RNF214: variants seen among roughly 807,000 people sequenced by gnomAD.
RNF214 encodes the protein ring finger protein 214.
A neutral mutation model predicts 75.9 loss-of-function variants in RNF214; 25 were observed. The observed-to-expected ratio is 0.33, with a 90% CI of 0.24 to 0.46. The LOEUF is 0.46. Among genes scored for constraint, RNF214 ranks in the 20% least tolerant of loss-of-function variants. RNF214 has a pLI of 1.00. For synonymous variants in RNF214, 314 were observed against 308.8 expected (o/e 1.02, Z -0.18); for missense variants, 725 against 857.5 (o/e 0.85, Z 1.93).
intron 6 of RNF214, among the ~76,000 whole-genome samples, chr11:117,269,949 C>T (rs1462294389): frequency 6.6e-6 from 1 of 152,108 alleles, no homozygotes; most frequent in Non-Finnish European, 1.5e-5. Flanking sequence ...AGTCAGGGAC[C>T]ATCTATAAAT....
intron 6 of RNF214, among the ~76,000 whole-genome samples, chr11:117,263,434 C>A (rs1200625027): frequency 6.6e-6 from 1 of 152,018 alleles, no homozygotes; most frequent in Non-Finnish European, 1.5e-5. Flanking sequence ...CGCCACCATG[C>A]CCGGCTAATT....
At chr11:117,266,052 T>C (rs1395691817) in intron 6 of RNF214, among the ~76,000 whole-genome samples, 2 of 152,236 alleles carry the variant, frequency 1.3e-5, no homozygotes, top group Non-Finnish European at 2.9e-5. Context: ...GTTTATTCCT[T>C]TTTAATGCTG....
intron 9 of RNF214, 64 bp downstream of exon 9, chr11:117,281,468 G>T: frequency 7.0e-7 from 1 of 1,437,980 alleles, no homozygotes; most frequent in South Asian, 1.1e-5. Context: ...TCCAGCAATT[G>T]GGAGGTAGCC....
intron 6 of RNF214, among the ~76,000 whole-genome samples, chr11:117,272,375 G>A (rs2033929761): frequency 6.6e-6 from 1 of 152,142 alleles, no homozygotes; most frequent in Non-Finnish European, 1.5e-5. Flanking sequence ...TCATAAGTGG[G>A]AGTTGAACAG....
At chr11:117,251,383 A>AC (rs1322509297) in intron 6 of RNF214, among the ~76,000 whole-genome samples, 1 of 119,300 alleles carries the variant, frequency 8.4e-6, no homozygotes, top group African/African-American at 3.2e-5. Context: ...CGGGGGGCTG[A>AC]CCCCCCCACC....
At chr11:117,252,260 C>T (rs989132374) in intron 6 of RNF214, among the ~76,000 whole-genome samples, 4 of 152,090 alleles carry the variant, frequency 2.6e-5, no homozygotes, top group Admixed American at 1.3e-4. Flanking sequence ...CTTGTCAGAG[C>T]CTAGGTTAGC....
chr11:117,241,394 A>G (rs1209809596), intron 4 of RNF214, among the ~76,000 whole-genome samples: 1 of 151,954 alleles, frequency 6.6e-6, no homozygotes, highest in South Asian at 2.1e-4. Flanking sequence ...ATCCTGGCCA[A>G]TATGGTGAAA....
At chr11:117,278,389 G>C (rs909698274) in intron 6 of RNF214, among the ~76,000 whole-genome samples, 6 of 152,182 alleles carry the variant, frequency 3.9e-5, no homozygotes, top group Non-Finnish European at 8.8e-5. Flanking sequence ...GATAATTTAA[G>C]TATTTTCATC....
chr11:117,280,347 C>T (rs2034102537), intron 8 of RNF214, 88 bp downstream of exon 8: 1 of 877,016 alleles, frequency 1.1e-6, no homozygotes, highest in East Asian at 2.4e-5. Flanking sequence ...GCCAGCTAGT[C>T]TGGCACTTAT....
rs971220490 is a variant in RNF214, at chr11:117,261,544, C to A, written c.959+14596C>A. 4.6e-5 allele frequency among the ~76,000 whole-genome samples: 7 copies of A among 152,300 alleles called. No homozygotes were observed. In the East Asian group the frequency reaches 1.3e-3, roughly 29 times the overall value. ...GCAGTGAGCTGAGATCACGCCACTG[C>A]ACTTCAGCTTGGGCAACAGAGCAAG... On this transcript the variant is annotated intron_variant, in intron 6 of 14. Coordinates refer to ENST00000300650, the MANE Select transcript of RNF214 (RefSeq NM_207343.4).
intron 6 of RNF214, among the ~76,000 whole-genome samples, chr11:117,259,924 A>G (rs1015385590): frequency 1.3e-5 from 2 of 152,136 alleles, no homozygotes; most frequent in African/African-American, 4.8e-5. Flanking sequence ...CTAATTCATT[A>G]AAACTTTTCT....
At position 117,241,768 on chromosome 11, in the gene RNF214, A is replaced by G. The variant is rs1362054809; in HGVS notation, c.678+1908A>G. Among the ~76,000 whole-genome samples, 3 of 151,996 alleles carry G rather than the reference A, an allele frequency of 2.0e-5. No individual in the cohort carries two copies. The East Asian group carries it at 5.8e-4, about 29-fold the overall frequency. ...TCAGATGTTTTTAGTATTCTTTTTG[A>G]TACTATTTTGATACTATTTTCCATT... On this transcript the variant is annotated intron_variant, in intron 4 of 14. Transcript: ENST00000300650.
intron 6 of RNF214, among the ~76,000 whole-genome samples, chr11:117,262,818 T>C (rs987345128): frequency 2.0e-5 from 3 of 152,124 alleles, no homozygotes; most frequent in Non-Finnish European, 4.4e-5. Flanking sequence ...TTCTTTTCTT[T>C]TTTGTTTTTG....
intron 6 of RNF214, among the ~76,000 whole-genome samples, chr11:117,253,488 A>G (rs758375436): frequency 5.3e-4 from 80 of 152,106 alleles, no homozygotes; most frequent in Non-Finnish European, 1.1e-3. Flanking sequence ...TAGAAAGGTG[A>G]GGTTTCCCTG....
intron 6 of RNF214, among the ~76,000 whole-genome samples, chr11:117,269,402 C>T (rs1399631808): frequency 6.6e-6 from 1 of 152,168 alleles, no homozygotes; most frequent in African/African-American, 2.4e-5. Flanking sequence ...CACTCTGTCA[C>T]CCAGCCTGGA....
At chr11:117,245,408 C>T (rs1265732028) in intron 5 of RNF214, among the ~76,000 whole-genome samples, 3 of 150,380 alleles carry the variant, frequency 2.0e-5, no homozygotes, top group East Asian at 2.0e-4. Flanking sequence ...GGCACAATCT[C>T]GGCTCACTGC....
intron 6 of RNF214, among the ~76,000 whole-genome samples, chr11:117,266,973 C>CAA (rs34374425): frequency 0.016 from 1,241 of 79,702 alleles, 26 homozygotes; most frequent in African/African-American, 0.05. Context: ...TCCTGCCTCA[C>CAA]AAAAAAAAAA....
At chr11:117,256,427 A>T (rs1300985582) in intron 6 of RNF214, among the ~76,000 whole-genome samples, 1 of 152,188 alleles carries the variant, frequency 6.6e-6, no homozygotes, top group Non-Finnish European at 1.5e-5. Flanking sequence ...GGAGTCATTC[A>T]TGTGGCTCCG....
intron 6 of RNF214, among the ~76,000 whole-genome samples, chr11:117,249,757 T>C (rs509565): frequency 0.67 from 102,513 of 152,080 alleles, 36,009 homozygotes; most frequent in East Asian, 0.9. Context: ...ATGGCTTTTG[T>C]GCTATGCATG....
Sources: gnomAD v4.1 joint callset for allele counts (sites outside exome capture counted in the v4.1 genomes callset) on GRCh38, gnomAD v4.1.1 for gene constraint, MANE v1.5 for transcripts, NCBI Gene and HGNC (gene_info 2026-07-23, HGNC 2026-07-21) for gene names.